MBTD1: variants seen among roughly 807,000 people sequenced by gnomAD.
MBTD1 encodes the protein mbt domain containing 1, also known as MBT domain-containing protein 1.
In MBTD1, 24 loss-of-function variants were observed where a neutral mutation model predicts 87.8. The observed-to-expected ratio is 0.27, with a 90% CI of 0.20 to 0.38. The LOEUF (loss-of-function observed/expected upper bound fraction) is 0.38, where lower values mean the gene tolerates loss of function less well. Among genes scored for constraint, MBTD1 ranks in the 10% least tolerant of loss-of-function variants. MBTD1 has a pLI of 1.00. For synonymous variants in MBTD1, 237 were observed against 248.6 expected, an observed-to-expected ratio of 0.95 and a Z score of 0.44; for missense variants, 436 against 760.2, an observed-to-expected ratio of 0.57 and a Z score of 5.02.
chr17:51,205,635 G>A (rs1306314277), intron 7 of MBTD1, among the ~76,000 whole-genome samples: 5 of 152,076 alleles, frequency 3.3e-5, no homozygotes, highest in South Asian at 2.1e-4. Flanking sequence ...TGACAAAAAC[G>A]TGCTGTATGA....
At chr17:51,241,656 C>T (rs372362360) in intron 2 of MBTD1, among the ~76,000 whole-genome samples, 8 of 152,064 alleles carry the variant, frequency 5.3e-5, no homozygotes, top group African/African-American at 1.2e-4. Context: ...CTCCACCTCC[C>T]GGGTTTAAGC....
chr17:51,204,702 T>A (rs1171023106), intron 7 of MBTD1, among the ~76,000 whole-genome samples: 1 of 152,010 alleles, frequency 6.6e-6, no homozygotes, highest in African/African-American at 2.4e-5. Context: ...GGTTTCACCA[T>A]GTTGGCCAGG....
chr17:51,228,738 C>A (rs909982804), intron 2 of MBTD1, among the ~76,000 whole-genome samples: 1 of 149,872 alleles, frequency 6.7e-6, no homozygotes, highest in Non-Finnish European at 1.5e-5. Flanking sequence ...ACTAAAAATA[C>A]AAAAAAAAAT....
intron 13 of MBTD1, among the ~76,000 whole-genome samples, chr17:51,194,582 A>AAAAAAAAAAAAAAAAAAG (rs2050983749): frequency 6.7e-6 from 1 of 149,122 alleles, no homozygotes; most frequent in African/African-American, 2.5e-5. Flanking sequence ...AAAAAAAAAA[A>AAAAAAAAAAAAAAAAAAG]AAAAAAAAAA....
At chr17:51,216,329 C>A (rs2052567475) in intron 6 of MBTD1, among the ~76,000 whole-genome samples, 1 of 152,154 alleles carries the variant, frequency 6.6e-6, no homozygotes, top group African/African-American at 2.4e-5. Context: ...CAGAAAAGAT[C>A]TTTAAGTATT....
chr17:51,260,085 G>A, upstream of MBTD1: 1 of 385,330 alleles, frequency 2.6e-6, no homozygotes, highest in Non-Finnish European at 4.6e-6. Flanking sequence ...CCTGCGCCGT[G>A]ACCCGCGCCC....
chr17:51,181,144 GC>G (rs544900244), intron 16 of MBTD1, among the ~76,000 whole-genome samples: 3 of 148,236 alleles, frequency 2.0e-5, no homozygotes, highest in African/African-American at 5.0e-5. Flanking sequence ...CCTCAGCACC[GC>G]CCCCCCAAGT....
Position 51,206,976 on chromosome 17 carries a change from G to C in MBTD1, c.516C>G (p.Ile172Met). The change falls in exon 7 of 17, where the codon ATC becomes ATG. Residue 172 changes from isoleucine to methionine, a missense_variant. Physicochemically the swap from Ile to Met is conservative, Grantham distance 10. Around this residue, in one of 5 missense-constraint regions of MBTD1, gnomAD observed 268 missense variants for 401.8 expected, o/e 0.67. Coordinates refer to ENST00000586178, the MANE Select transcript of MBTD1 (RefSeq NM_017643.3). The stretch of plus-strand genomic sequence containing the variant: ...GAACTTCTACTCTCACATTTTCTGA[G>C]ATATCACCCCAGCAGGTCCCCATAG... ...HAPMGTCWGD[I>M]SENVRVEVPN... 1.2e-6 allele frequency: 2 copies of C among 1,613,272 alleles called. No homozygotes were observed. The highest frequency in any genetic ancestry group is 1.7e-6 in the Non-Finnish European group (2 of 1,179,316).
chr17:51,217,589 T>C (rs1167220126), intron 5 of MBTD1, among the ~76,000 whole-genome samples, 173 bp from the exon 6 acceptor site: 1 of 152,176 alleles, frequency 6.6e-6, no homozygotes, highest in Non-Finnish European at 1.5e-5. Flanking sequence ...TTGGCTTATA[T>C]CATATTTGCA....
At chr17:51,211,804 C>T (rs1448430678) in intron 6 of MBTD1, among the ~76,000 whole-genome samples, 5 of 151,330 alleles carry the variant, frequency 3.3e-5, no homozygotes, top group African/African-American at 1.2e-4. Context: ...CCAAAAATGA[C>T]TCTACTTGAA....
intron 2 of MBTD1, among the ~76,000 whole-genome samples, chr17:51,257,583 A>G (rs1316394797): frequency 6.6e-6 from 1 of 152,222 alleles, no homozygotes; most frequent in Non-Finnish European, 1.5e-5. Context: ...TCAACATATA[A>G]CCAGCTTTAA....
intron 3 of MBTD1, among the ~76,000 whole-genome samples, 194 bp from the exon 4 acceptor site, chr17:51,220,657 T>C (rs1370893253): frequency 1.3e-5 from 2 of 152,176 alleles, no homozygotes; most frequent in African/African-American, 4.8e-5. Context: ...TATTGTGCCA[T>C]GGTGATGGGC....
intron 7 of MBTD1, among the ~76,000 whole-genome samples, chr17:51,205,167 C>A (rs983921360): frequency 6.6e-6 from 1 of 152,284 alleles, no homozygotes; most frequent in South Asian, 2.1e-4. Context: ...GTTTAGTCAG[C>A]ATTTTCATGT....
chr17:51,220,299 G>T (rs1230424762), intron 4 of MBTD1, 31 bp downstream of exon 4: 1 of 1,528,714 alleles, frequency 6.5e-7, no homozygotes, highest in Non-Finnish European at 8.8e-7. Context: ...AGAAATAATG[G>T]ATATAAGTAA....
intron 3 of MBTD1, among the ~76,000 whole-genome samples, chr17:51,224,784 T>C (rs1247411332): frequency 2.6e-5 from 4 of 152,228 alleles, no homozygotes; most frequent in African/African-American, 9.6e-5. Context: ...CACATGAAGT[T>C]TCTCACTGGC....
intron 13 of MBTD1, 56 bp downstream of exon 13, chr17:51,195,158 A>T: frequency 6.6e-7 from 1 of 1,525,996 alleles, no homozygotes; most frequent in Non-Finnish European, 8.9e-7. Context: ...GTAAACAAAA[A>T]CCATGTAAGA....
intron 12 of MBTD1, among the ~76,000 whole-genome samples, chr17:51,195,765 A>T (rs1359400231): frequency 6.6e-6 from 1 of 152,216 alleles, no homozygotes; most frequent in Non-Finnish European, 1.5e-5. Context: ...GTTTTTACAA[A>T]CGGTCTCTAC....
chr17:51,203,911 A>G lies in MBTD1; in HGVS notation c.619T>C (p.Leu207=). The change falls in exon 8 of 17, where the codon TTA becomes CTA. Residue 207 remains leucine (L), a synonymous_variant. Coordinates refer to ENST00000586178, the MANE Select transcript of MBTD1 (RefSeq NM_017643.3). ...TCATTTTCAAATCCTTCATATCTTA[A>G]AAGGGCATTGTAACCTGAAACCCAG... ...IVKLAGYNAL[L]RYEGFENDSG... is the part of the protein sequence containing the mutation. 1.2e-6 allele frequency: 2 copies of G among 1,606,318 alleles called. No individual in the cohort carries two copies. The highest frequency in any genetic ancestry group is 1.7e-6 in the Non-Finnish European group (2 of 1,177,970).
intron 5 of MBTD1, 117 bp from the exon 6 acceptor site, chr17:51,217,533 T>C (rs545478492): frequency 2.0e-5 from 11 of 550,574 alleles, no homozygotes; most frequent in African/African-American, 2.0e-4. Flanking sequence ...TTAAAGAACG[T>C]TTTCTTTATG....
Sources: allele counts gnomAD v4.1 joint callset (sites outside exome capture counted in the v4.1 genomes callset), GRCh38; gene constraint gnomAD v4.1.1; regional missense constraint gnomAD v4.1.1; transcripts MANE v1.5; gene names NCBI Gene and HGNC (gene_info 2026-07-23, HGNC 2026-07-21).